The following RHOU variants were observed in gnomAD, a reference collection of about 807,000 sequenced individuals.
RHOU encodes ras homolog family member U.
In RHOU, 8 loss-of-function variants were observed where a neutral mutation model predicts 12.6. The observed-to-expected ratio is 0.64, with a 90% CI of 0.37 to 1.15. The LOEUF (loss-of-function observed/expected upper bound fraction) is 1.15, where lower values mean the gene tolerates loss of function less well. Ranked by LOEUF, RHOU falls within the 50% of genes most tolerant of loss-of-function variation. The pLI is 0.01. For missense variants in RHOU, 258 were observed against 347.0 expected, an observed-to-expected ratio of 0.74 and a Z score of 2.04; for synonymous variants, 161 against 147.4, an observed-to-expected ratio of 1.09 and a Z score of -0.67.
the RHOU span, among the ~76,000 whole-genome samples, chr1:228,714,095 G>C: frequency 1.3e-5 from 2 of 152,182 alleles, no homozygotes; most frequent in South Asian, 4.1e-4. Flanking sequence ...CTACTAATAT[G>C]GTGTATTAAT....
At chr1:228,674,133 C>T in the RHOU span, among the ~76,000 whole-genome samples, 3,187 of 152,240 alleles carry the variant, frequency 0.021, 155 homozygotes, top group East Asian at 0.17. Context: ...TATTGAGTTC[C>T]TTTTCATGCA....
the RHOU span, among the ~76,000 whole-genome samples, chr1:228,674,510 C>G: frequency 6.6e-6 from 1 of 151,760 alleles, no homozygotes; most frequent in African/African-American, 2.4e-5. Context: ...CCACACCCAG[C>G]TAATTTTTGC....
chr1:228,677,137 A>C, the RHOU span, among the ~76,000 whole-genome samples: 1 of 152,186 alleles, frequency 6.6e-6, no homozygotes, highest in Non-Finnish European at 1.5e-5. Flanking sequence ...GTGGGAACCT[A>C]CAGTGGGAGA....
chr1:228,674,165 C>T, the RHOU span, among the ~76,000 whole-genome samples: 1 of 152,198 alleles, frequency 6.6e-6, no homozygotes, highest in East Asian at 1.9e-4. Context: ...TTTGAATATC[C>T]TCTTTTGTGA....
chr1:228,707,450 G>A, the RHOU span, among the ~76,000 whole-genome samples: 1 of 151,210 alleles, frequency 6.6e-6, no homozygotes, highest in Non-Finnish European at 1.5e-5. Context: ...CCAGCACGCA[G>A]CTGGAGATCT....
the RHOU span, chr1:228,687,620 A>G: frequency 6.4e-7 from 1 of 1,564,598 alleles, no homozygotes; most frequent in Admixed American, 1.7e-5. Flanking sequence ...ATCAGTCACT[A>G]CTGGAACTGC....
At position 228,743,367 on chromosome 1, in the gene RHOU, C is replaced by T. The variant is rs377670501; in HGVS notation, c.404C>T (p.Ser135Phe). ...LLCFSVVSPS[S>F]FQNVSEKWVP... ...TGCTTCAGTGTCGTGAGCCCCTCAT[C>T]CTTCCAGAACGTCAGTGAGAAATGG... The change falls in exon 3 of 3, where the codon TCC (serine) becomes TTC (phenylalanine). Residue 135 changes from serine to phenylalanine, a missense_variant. Ser to Phe is a radical substitution (Grantham distance 155). Transcript: ENST00000366691. The surrounding 1 kb of genome is among the most constrained non-coding windows in gnomAD (Gnocchi z 5.1). 6.2e-7 allele frequency: 1 copy of T among 1,614,082 alleles called. No homozygotes were observed. The highest frequency in any genetic ancestry group is 8.5e-7 in the Non-Finnish European group (1 of 1,180,048).
At chr1:228,707,126 A>ATATATG in the RHOU span, among the ~76,000 whole-genome samples, 8 of 75,388 alleles carry the variant, frequency 1.1e-4, no homozygotes, top group African/African-American at 4.5e-4. Context: ...ATATATATAT[A>ATATATG]CATATATATA....
chr1:228,666,408 G>T, the RHOU span, among the ~76,000 whole-genome samples: 4 of 152,090 alleles, frequency 2.6e-5, no homozygotes, highest in Admixed American at 2.6e-4. Flanking sequence ...CATTTCAAAG[G>T]TTTATCATTT....
the RHOU span, among the ~76,000 whole-genome samples, chr1:228,659,551 A>C: frequency 6.6e-6 from 1 of 152,102 alleles, no homozygotes; most frequent in African/African-American, 2.4e-5. Flanking sequence ...AAAGGAGAAA[A>C]TCAACAAAAC....
rs1662627263 is a variant in RHOU at position 228,737,088 on chromosome 1, A to T, written c.263-585A>T. The stretch of plus-strand genomic sequence containing the variant: ...CTCTCCACACTCCCCGAGTCCCCGG[A>T]TCCCAGTGGAAAGGGGGCCATGGCT... On this transcript the variant is annotated intron_variant, in intron 1 of 2. Transcript: ENST00000366691. This position sits in a 1 kb window ranked among gnomAD's most constrained non-coding sequence, Gnocchi z 4.1. Among the ~76,000 whole-genome samples the T allele has an allele frequency of 6.6e-6, 1 of 152,190 alleles. No homozygotes were observed. Among genetic ancestry groups the T allele is most frequent in the Non-Finnish European group, 1.5e-5 (1 of 68,030 alleles).
chr1:228,653,661 A>G, the RHOU span, among the ~76,000 whole-genome samples: 12 of 151,988 alleles, frequency 7.9e-5, no homozygotes, highest in Admixed American at 3.3e-4. Context: ...TCACCATTTT[A>G]GCCAGGCTGG....
chr1:228,671,093 C>T, the RHOU span, among the ~76,000 whole-genome samples: 5 of 152,160 alleles, frequency 3.3e-5, no homozygotes, highest in East Asian at 1.9e-4. Flanking sequence ...CAACCTCCAC[C>T]TCCCGGGTTC....
chr1:228,716,733 T>C, the RHOU span, among the ~76,000 whole-genome samples: 2 of 138,100 alleles, frequency 1.4e-5, no homozygotes, highest in East Asian at 2.0e-4. Context: ...TGTGTATATA[T>C]ACATATACAC....
At chr1:228,707,105 CATATATATATATATATATATACAT>C in the RHOU span, among the ~76,000 whole-genome samples, 10 of 70,844 alleles carry the variant, frequency 1.4e-4, no homozygotes, top group South Asian at 4.1e-4. Context: ...TATATACATA[CATATATATATATATATATATACAT>C]ATATATATAT....
chr1:228,693,456 A>G, the RHOU span, among the ~76,000 whole-genome samples: 2 of 152,124 alleles, frequency 1.3e-5, no homozygotes, highest in South Asian at 2.1e-4. Context: ...AAGTCCCATC[A>G]TTACCTCAGG....
chr1:228,663,634 T>TTTC, the RHOU span, among the ~76,000 whole-genome samples: 3 of 133,666 alleles, frequency 2.2e-5, no homozygotes, highest in Non-Finnish European at 4.8e-5. Flanking sequence ...TCTTTTTTTT[T>TTTC]TTTTTTTTTT....
At chr1:228,721,501 G>A in the RHOU span, among the ~76,000 whole-genome samples, 1 of 152,310 alleles carries the variant, frequency 6.6e-6, no homozygotes, top group South Asian at 2.1e-4. Flanking sequence ...GTTCTAGTAA[G>A]CTTGGAACAC....
the RHOU span, among the ~76,000 whole-genome samples, chr1:228,698,542 A>G: frequency 6.6e-6 from 1 of 152,234 alleles, no homozygotes; most frequent in African/African-American, 2.4e-5. Context: ...TTGTGTAACC[A>G]CAGTCTTTGC....
Sources: gnomAD v4.1 joint callset for allele counts (sites outside exome capture counted in the v4.1 genomes callset) on GRCh38, gnomAD v4.1.1 for gene constraint, Gnocchi (gnomAD v3.1) non-coding constraint, MANE v1.5 for transcripts, NCBI Gene and HGNC (gene_info 2026-07-23, HGNC 2026-07-21) for gene names.